The following DNAH17 variants were observed in gnomAD, a reference collection of about 807,000 sequenced individuals.
DNAH17 encodes axonemal beta dynein heavy chain 17.
In DNAH17, 376 loss-of-function variants were observed where a neutral mutation model predicts 485.6. The observed-to-expected ratio is 0.77, with a 90% CI of 0.71 to 0.84. DNAH17 has a LOEUF of 0.84. DNAH17 is among the 40% of genes least tolerant of loss of function. DNAH17 has a pLI of 0.00. For missense variants in DNAH17, 6,370 were observed against 5,839.3 expected (o/e 1.09, Z -2.96); for synonymous variants, 3,031 against 2,405.9 (o/e 1.26, Z -7.60).
rs756774653 is a variant in DNAH17, at chr17:78,560,951, G to C, written c.1836-16C>G. 2 of 1,542,774 alleles carry C rather than the reference G, an allele frequency of 1.3e-6. No individual in the cohort carries two copies. Among genetic ancestry groups the C allele is most frequent in the African/African-American group, 1.4e-5 (1 of 72,982 alleles). On this transcript the variant is annotated splice_polypyrimidine_tract_variant and intron_variant, in intron 12 of 80. Transcript: ENST00000389840. ...AGACATGACCCTGGAATCAGAGCGGGAAGGCGAGGCCCCACTGGATATCTC... is the reference window on the plus strand; with the variant it reads ...AGACATGACCCTGGAATCAGAGCGGCAAGGCGAGGCCCCACTGGATATCTC...
chr17:78,539,905 G>A, intron 17 of DNAH17, 25 bp from the exon 18 acceptor site: 2 of 1,541,898 alleles, frequency 1.3e-6, no homozygotes, highest in South Asian at 2.5e-5. Context: ...GCACAGTTGG[G>A]CCTCACTTCA....
At chr17:78,485,484 G>A in intron 47 of DNAH17, 66 bp downstream of exon 47, 2 of 1,464,636 alleles carry the variant, frequency 1.4e-6, no homozygotes, top group Non-Finnish European at 1.9e-6. Context: ...AGTGAGAGGG[G>A]ACAGGAGGGA....
chr17:78,572,101 C>T (rs747267180), intron 3 of DNAH17, among the ~76,000 whole-genome samples: 5 of 152,274 alleles, frequency 3.3e-5, no homozygotes, highest in Non-Finnish European at 5.9e-5. Context: ...GTGTCACCAC[C>T]GGACATGGTG....
chr17:78,490,463 C>T (rs936955165), intron 44 of DNAH17, among the ~76,000 whole-genome samples: 1 of 152,254 alleles, frequency 6.6e-6, no homozygotes, highest in Non-Finnish European at 1.5e-5. Context: ...GCCCTTGTTC[C>T]CTGGCACTTT....
At chr17:78,502,198 A>G (rs2090320954) in intron 33 of DNAH17, 1 of 381,324 alleles carries the variant, frequency 2.6e-6, no homozygotes, top group Admixed American at 4.4e-5. Context: ...ATACACACAC[A>G]GAGTAACAGG....
chr17:78,543,659 A>T, intron 17 of DNAH17, 198 bp downstream of exon 17: 1 of 742,036 alleles, frequency 1.3e-6, no homozygotes, highest in Admixed American at 2.2e-5. Context: ...TCCTGACATT[A>T]GGTGATCCGC....
intron 34 of DNAH17, 87 bp from the exon 35 acceptor site, chr17:78,501,431 TC>T: frequency 6.8e-7 from 1 of 1,466,122 alleles, no homozygotes; most frequent in Non-Finnish European, 9.1e-7. Context: ...CCAAGGCCGG[TC>T]CCCTGCTGCC....
chr17:78,461,136 C>T (rs1314929616), intron 58 of DNAH17, among the ~76,000 whole-genome samples: 1 of 152,026 alleles, frequency 6.6e-6, no homozygotes, highest in Non-Finnish European at 1.5e-5. Context: ...GGGCCCGGAG[C>T]CGCACGTCTG....
Position 78,444,747 on chromosome 17 carries a change from T to G in DNAH17, c.11385A>C (p.Gly3795=). ...CCAGCTTTTTCCAGCGCTTGGCAGA[T>G]CCTTCGATGTCACTGTCCAGATTTT... ...EFKNLDSDIE[G]SAKRWKKLVE... is the part of the protein sequence containing the mutation. The change falls in exon 71 of 81, where the codon GGA becomes GGC. Residue 3795 remains glycine, a synonymous_variant. Transcript: ENST00000389840. The G allele has an allele frequency of 6.3e-7, 1 of 1,599,224 alleles. No homozygotes were observed. Among genetic ancestry groups the G allele is most frequent in the Non-Finnish European group, 8.5e-7 (1 of 1,174,498 alleles).
At chr17:78,458,124 G>A (rs1362231035) in intron 62 of DNAH17, among the ~76,000 whole-genome samples, 1 of 152,214 alleles carries the variant, frequency 6.6e-6, no homozygotes, top group African/African-American at 2.4e-5. Context: ...CTTTTTAAAT[G>A]TGGCTGCTGG....
chr17:78,569,669 C>T (rs575525408), intron 7 of DNAH17, 142 bp from the exon 8 acceptor site: 18 of 1,081,892 alleles, frequency 1.7e-5, no homozygotes, highest in Middle Eastern at 3.1e-4. Flanking sequence ...ACTGCTGGGC[C>T]GTTTTTAGGG....
chr17:78,486,033 G>A lies in DNAH17; in HGVS notation c.7202C>T (p.Pro2401Leu). The change falls in exon 46 of 81, where the codon CCT becomes CTT. Residue 2401 changes from proline (P) to leucine (L), a missense_variant. Physicochemically the swap from Pro to Leu is moderately conservative, Grantham distance 98. Coordinates refer to ENST00000389840, the MANE Select transcript of DNAH17 (RefSeq NM_173628.4). Reference sequence around the variant, plus strand: ...CCAGGGCAGGAACTTTTTTGTGTCAGGATCAATGTAGTAGTCAAAAATCGT... The same window carrying A: ...CCAGGGCAGGAACTTTTTTGTGTCAAGATCAATGTAGTAGTCAAAAATCGT... The part of the protein sequence containing the change: ...QGTIFDYYID[P>L]DTKKFLPWTD... The A allele has an allele frequency of 1.2e-6, 2 of 1,613,954 alleles. No homozygotes were observed. Among genetic ancestry groups the A allele is most frequent in the South Asian group, 1.1e-5 (1 of 91,072 alleles).
Position 78,478,910 on chromosome 17 carries a change from C to T in DNAH17, c.7992+115G>A, listed in dbSNP as rs966425428. The T allele has an allele frequency of 1.3e-5, 10 of 777,384 alleles. No homozygotes were observed. In the Admixed American group the frequency reaches 2.2e-4, roughly 17 times the overall value. 48.2% of individuals were successfully genotyped at this position (777,384 alleles called of 1,614,324 possible). A position where few individuals can be genotyped will look rare whatever the true frequency, so the allele number is the denominator to read the frequency against. ...CCATTATTATCATCATTATCATTAC[C>T]ACCATCACCACCATCATCAGTCCAC... On this transcript the variant is annotated intron_variant, in intron 51 of 80. Transcript: ENST00000389840.
At chr17:78,450,570 A>G in intron 67 of DNAH17, 112 bp downstream of exon 67, 2 of 1,444,056 alleles carry the variant, frequency 1.4e-6, no homozygotes, top group South Asian at 2.7e-5. Context: ...CCACTCGGGC[A>G]CGTATGACCG....
chr17:78,568,865 G>A (rs992937793), intron 9 of DNAH17, among the ~76,000 whole-genome samples: 2 of 151,338 alleles, frequency 1.3e-5, no homozygotes, highest in Non-Finnish European at 2.9e-5. Flanking sequence ...CTAAGTGACT[G>A]CTGTTGGCCC....
intron 31 of DNAH17, among the ~76,000 whole-genome samples, chr17:78,503,949 AGAGT>A (rs1283623410): frequency 6.6e-6 from 1 of 151,796 alleles, no homozygotes; most frequent in Non-Finnish European, 1.5e-5. Flanking sequence ...CTGGGCGACA[AGAGT>A]GAGACTCCAT....
At chr17:78,444,342 G>A (rs1437283835) in intron 71 of DNAH17, among the ~76,000 whole-genome samples, 2 of 152,184 alleles carry the variant, frequency 1.3e-5, no homozygotes, top group Non-Finnish European at 2.9e-5. Flanking sequence ...TTCCCCTAAT[G>A]ATACTCTGAG....
intron 62 of DNAH17, among the ~76,000 whole-genome samples, chr17:78,458,055 C>CG: frequency 6.6e-6 from 1 of 151,818 alleles, no homozygotes; most frequent in East Asian, 1.9e-4. Context: ...CCGCCTGCCT[C>CG]GGCCTCCCAA....
rs1387546706 is a variant in DNAH17 at position 78,460,315 on chromosome 17, C to CATGT, written c.9340-59_9340-58insACAT. Reference sequence around the variant, plus strand: ...AGGCCTGTCCATGTGCCTGTGGGGGCGTGTACGTGCATGTGTGTGCATGTG... The same window carrying CATGT: ...AGGCCTGTCCATGTGCCTGTGGGGGCATGTGTGTACGTGCATGTGTGTGCATGTG... On this transcript the variant is annotated intron_variant, in intron 58 of 80. Transcript: ENST00000389840. The CATGT allele has an allele frequency of 5.1e-5, 75 of 1,465,206 alleles. No individual in the cohort carries two copies. In the African/African-American group the frequency reaches 7.1e-4, roughly 14 times the overall value. 90.8% of individuals were successfully genotyped at this position (1,465,206 alleles called of 1,614,324 possible). A position where few individuals can be genotyped will look rare whatever the true frequency, so the allele number is the denominator to read the frequency against.
Sources: allele counts gnomAD v4.1 joint callset (sites outside exome capture counted in the v4.1 genomes callset), GRCh38; gene constraint gnomAD v4.1.1; transcripts MANE v1.5; gene names NCBI Gene and HGNC (gene_info 2026-07-23, HGNC 2026-07-21).